The following TGFB2 variants were observed in gnomAD, a reference collection of about 807,000 sequenced individuals.
TGFB2 encodes the protein transforming growth factor beta 2.
A neutral mutation model predicts 42.7 loss-of-function variants in TGFB2; 13 were observed. That is an observed-to-expected ratio of 0.30 (90% CI 0.20 to 0.48). TGFB2 has a LOEUF of 0.48. Ranked by LOEUF, TGFB2 falls within the 20% of genes least tolerant of loss-of-function variation. The pLI is 0.99. For missense variants in TGFB2, 390 were observed against 517.5 expected, an observed-to-expected ratio of 0.75 and a Z score of 2.39; for synonymous variants, 193 against 193.6, an observed-to-expected ratio of 1.00 and a Z score of 0.03.
At chr1:218,397,488 C>T (rs940211259) in intron 1 of TGFB2, among the ~76,000 whole-genome samples, 16 of 148,896 alleles carry the variant, frequency 1.1e-4, no homozygotes, top group African/African-American at 3.5e-4. Flanking sequence ...GGCGTGAACC[C>T]GGGAGGCTGA....
At position 218,389,581 on chromosome 1, in the gene TGFB2, A is replaced by G. The variant is rs2798628; in HGVS notation, c.347-15588A>G. Among the ~76,000 whole-genome samples the G allele has an allele frequency of 5.7e-3, 862 of 152,294 alleles. 11 individuals carry two copies. The highest frequency in any genetic ancestry group is 0.019 in the African/African-American group (774 of 41,556). ...TCACTGAAAAGAATTGAGAGGAGTT[A>G]TCAATTTTCCCTGATCAAAACCCCT... On this transcript the variant is annotated intron_variant, in intron 1 of 6. Coordinates refer to ENST00000366930, the MANE Select transcript of TGFB2 (RefSeq NM_003238.6).
chr1:218,415,664 C>T (rs1008699434), intron 2 of TGFB2, among the ~76,000 whole-genome samples: 18 of 136,510 alleles, frequency 1.3e-4, no homozygotes, highest in African/African-American at 4.8e-4. Context: ...CACTGCACTC[C>T]AGCCTGGGCG....
At chr1:218,422,256 C>A (rs141998847) in intron 2 of TGFB2, among the ~76,000 whole-genome samples, 2 of 150,970 alleles carry the variant, frequency 1.3e-5, no homozygotes, top group Admixed American at 1.3e-4. Context: ...CTCGCTCTGT[C>A]ACCCAGGCTG....
chr1:218,410,306 C>A (rs190398293), intron 2 of TGFB2, among the ~76,000 whole-genome samples: 1 of 152,230 alleles, frequency 6.6e-6, no homozygotes, highest in African/African-American at 2.4e-5. Context: ...TCCAGAGCTG[C>A]GAAGGTCTAT....
rs567335292 is a variant in TGFB2, at chr1:218,431,923, A to G, written c.511-2159A>G. Among the ~76,000 whole-genome samples, 3 of 152,374 alleles carry G rather than the reference A, an allele frequency of 2.0e-5. No homozygotes were observed. In the East Asian group the frequency reaches 5.8e-4, roughly 29 times the overall value. ...TTTGATTCCTAGGAGATGGACTGCT[A>G]TTAAGCTGTATCTTTAAAGCTGTAG... is the stretch of plus-strand genomic sequence containing the variant. On this transcript the variant is annotated intron_variant, in intron 2 of 6. Transcript: ENST00000366930.
chr1:218,417,710 G>A (rs1318763089), intron 2 of TGFB2, among the ~76,000 whole-genome samples: 1 of 152,168 alleles, frequency 6.6e-6, no homozygotes, highest in Non-Finnish European at 1.5e-5. Flanking sequence ...TGGTTTTGTG[G>A]GCCTGGCCCA....
At chr1:218,374,915 A>C in intron 1 of TGFB2, among the ~76,000 whole-genome samples, 1 of 152,194 alleles carries the variant, frequency 6.6e-6, no homozygotes, top group East Asian at 1.9e-4. Context: ...TTTTTGTCTC[A>C]ATCTGATTTC....
chr1:218,415,699 GAAAAAA>G (rs1174137652), intron 2 of TGFB2, among the ~76,000 whole-genome samples: 1 of 61,678 alleles, frequency 1.6e-5, no homozygotes, highest in Admixed American at 1.8e-4. Flanking sequence ...TGTCTCAAAA[GAAAAAA>G]AAAAAAAAAA....
chr1:218,411,233 A>G (rs951607705), intron 2 of TGFB2, among the ~76,000 whole-genome samples: 4 of 152,212 alleles, frequency 2.6e-5, no homozygotes, highest in African/African-American at 9.6e-5. Context: ...AAGCTTCAAA[A>G]TGTTGTGGCC....
intron 2 of TGFB2, among the ~76,000 whole-genome samples, chr1:218,409,846 T>G (rs948830724): frequency 5.9e-5 from 9 of 152,148 alleles, no homozygotes; most frequent in Admixed American, 5.9e-4. Context: ...GGTTCTCAGG[T>G]CGTTTACATG....
intron 2 of TGFB2, 195 bp downstream of exon 2, chr1:218,405,527 A>C: frequency 1.1e-6 from 1 of 950,424 alleles, no homozygotes; most frequent in South Asian, 1.4e-5. Flanking sequence ...ATCACACCCG[A>C]TTATCTTTTT....
intron 1 of TGFB2, among the ~76,000 whole-genome samples, chr1:218,379,483 C>CTT (rs1174681182): frequency 2.5e-5 from 2 of 80,174 alleles, no homozygotes; most frequent in African/African-American, 4.3e-5. Flanking sequence ...TTCTTTCTTT[C>CTT]TTTCTTTTTT....
chr1:218,361,083 G>A (rs1274869795), intron 1 of TGFB2, among the ~76,000 whole-genome samples: 1 of 152,224 alleles, frequency 6.6e-6, no homozygotes, highest in Non-Finnish European at 1.5e-5. Context: ...TCAAACTCCT[G>A]ACCTCGTGGT....
At chr1:218,375,430 G>A (rs1169201880) in intron 1 of TGFB2, among the ~76,000 whole-genome samples, 2 of 127,538 alleles carry the variant, frequency 1.6e-5, no homozygotes, top group African/African-American at 2.6e-5. Context: ...CCTAAAATGA[G>A]AGTTAATTAA....
At chr1:218,430,199 C>A (rs188361722) in intron 2 of TGFB2, among the ~76,000 whole-genome samples, 126 of 152,114 alleles carry the variant, frequency 8.3e-4, no homozygotes, top group African/African-American at 2.9e-3. Flanking sequence ...TCGAGACCAG[C>A]CTGGGCAACA....
chr1:218,349,486 T>A (rs908842198), intron 1 of TGFB2, among the ~76,000 whole-genome samples: 1 of 152,246 alleles, frequency 6.6e-6, no homozygotes, highest in African/African-American at 2.4e-5. Context: ...GGAGGGAGTG[T>A]GCCTGTCATT....
At chr1:218,377,101 G>C (rs931829579) in intron 1 of TGFB2, among the ~76,000 whole-genome samples, 1 of 152,036 alleles carries the variant, frequency 6.6e-6, no homozygotes, top group Non-Finnish European at 1.5e-5. Flanking sequence ...GTCTCACTTT[G>C]TTGCCCGGGC....
Position 218,441,548 on chromosome 1 carries a change from A to G in TGFB2, c.*186A>G, listed in dbSNP as rs975271085. ...TTGTGTTCTGTTTGTTAAAACTGGC[A>G]TCTGACACAAAAAAAGTTGAAGGCC... On this transcript the variant is annotated 3_prime_UTR_variant, in exon 7 of 7. Coordinates refer to ENST00000366930, the MANE Select transcript of TGFB2 (RefSeq NM_003238.6). 74 of 496,974 alleles carry G rather than the reference A, an allele frequency of 1.5e-4. No homozygotes were observed. Among genetic ancestry groups the G allele is most frequent in the Middle Eastern group, 1.1e-3 (2 of 1,850 alleles). The allele number at this position is 496,974 out of a possible 1,614,324, so 30.8% of individuals were successfully genotyped here.
In TGFB2 at chr1:218,346,737, G is replaced by C; in HGVS notation, c.36G>C (p.Leu12=). ...GTGTGCTGAGCGCTTTTCTGATCCTGCATCTGGTCACGGTCGCGCTCAGCC... is the reference window on the plus strand; with the variant it reads ...GTGTGCTGAGCGCTTTTCTGATCCTCCATCTGGTCACGGTCGCGCTCAGCC... ...HYCVLSAFLI[L]HLVTVALSLS... Residue 12 remains leucine, a synonymous_variant, in exon 1 of 7, where the codon CTG becomes CTC. Coordinates refer to ENST00000366930, the MANE Select transcript of TGFB2 (RefSeq NM_003238.6). The surrounding 1 kb of genome is among the most constrained non-coding windows in gnomAD (Gnocchi z 4.9). 1.2e-6 allele frequency: 2 copies of C among 1,613,636 alleles called. No homozygotes were observed. The highest frequency in any genetic ancestry group is 8.5e-7 in the Non-Finnish European group (1 of 1,179,926).
Sources: allele counts gnomAD v4.1 joint callset (sites outside exome capture counted in the v4.1 genomes callset), GRCh38; gene constraint gnomAD v4.1.1; non-coding constraint Gnocchi (gnomAD v3.1); transcripts MANE v1.5; gene names NCBI Gene and HGNC (gene_info 2026-07-23, HGNC 2026-07-21).